The following SLC23A2 variants were observed in gnomAD, a reference collection of about 807,000 sequenced individuals.
SLC23A2 encodes the protein solute carrier family 23 member 2.
Under a neutral mutation model 73.3 loss-of-function variants are expected in SLC23A2, and 36 were observed. That is an observed-to-expected ratio of 0.49 (90% CI 0.38 to 0.65). The LOEUF is 0.65. SLC23A2 is among the 30% of genes least tolerant of loss of function. SLC23A2 has a pLI of 0.00. For missense variants in SLC23A2, 507 were observed against 841.6 expected, an observed-to-expected ratio of 0.60 and a Z score of 4.92; for synonymous variants, 343 against 327.3, an observed-to-expected ratio of 1.05 and a Z score of -0.52.
intron 1 of SLC23A2, among the ~76,000 whole-genome samples, chr20:4,974,158 AC>A (rs1473204315): frequency 1.3e-5 from 2 of 152,138 alleles, no homozygotes; most frequent in Non-Finnish European, 2.9e-5. Context: ...GGCTGACAAA[AC>A]ACTTCCTCCT....
At chr20:4,984,383 T>C (rs1568655948) in intron 1 of SLC23A2, among the ~76,000 whole-genome samples, 1 of 152,044 alleles carries the variant, frequency 6.6e-6, no homozygotes, top group East Asian at 1.9e-4. Flanking sequence ...TGAAACCCCA[T>C]CTCTACTAAA....
At chr20:4,955,125 T>C (rs776645037) in intron 2 of SLC23A2, among the ~76,000 whole-genome samples, 1 of 151,960 alleles carries the variant, frequency 6.6e-6, no homozygotes. Context: ...TGGTGGTGCA[T>C]GCCTGTGGTC....
upstream of SLC23A2, among the ~76,000 whole-genome samples, chr20:5,005,952 C>G (rs1047200925): frequency 2.0e-5 from 3 of 151,736 alleles, no homozygotes; most frequent in African/African-American, 7.3e-5. Flanking sequence ...CACCATTGTA[C>G]TCCAGCCTGG....
At chr20:4,866,941 C>T (rs1930223767) in intron 13 of SLC23A2, among the ~76,000 whole-genome samples, 1 of 151,356 alleles carries the variant, frequency 6.6e-6, no homozygotes, top group South Asian at 2.1e-4. Context: ...ATACCATGGC[C>T]AATGGTGGGT....
chr20:4,986,420 T>C (rs2087827681), intron 1 of SLC23A2, among the ~76,000 whole-genome samples: 1 of 152,102 alleles, frequency 6.6e-6, no homozygotes. Context: ...TTCAAGCAAT[T>C]CTCCTGCCTC....
chr20:4,997,097 C>A (rs1364417196), intron 1 of SLC23A2, among the ~76,000 whole-genome samples: 1 of 152,148 alleles, frequency 6.6e-6, no homozygotes, highest in Non-Finnish European at 1.5e-5. Context: ...CAAATCTCAA[C>A]CTCACCTTGA....
upstream of SLC23A2, among the ~76,000 whole-genome samples, chr20:5,005,245 T>G (rs1403783564): frequency 1.3e-5 from 2 of 152,160 alleles, no homozygotes; most frequent in South Asian, 2.1e-4. Flanking sequence ...ATTCAGTGCA[T>G]GAATATGTAG....
At position 4,951,004 on chromosome 20, in the gene SLC23A2, G is replaced by A. The variant is rs80140263; in HGVS notation, c.-154-18288C>T. On this transcript the variant is annotated intron_variant, in intron 2 of 16. Coordinates refer to ENST00000338244, the MANE Select transcript of SLC23A2 (RefSeq NM_005116.6). ...CAGGTGCTTCAACTGCTCAGGGCAGGAGACCCACCACCACAAGCGCCCAGA... is the reference window on the plus strand; with the variant it reads ...CAGGTGCTTCAACTGCTCAGGGCAGAAGACCCACCACCACAAGCGCCCAGA... Among the ~76,000 whole-genome samples, 78 of 152,202 alleles carry A rather than the reference G, an allele frequency of 5.1e-4. No homozygotes were observed. The East Asian group carries it at 0.015, about 29-fold the overall frequency.
rs1350647806 is a variant in SLC23A2 at position 4,857,281 on chromosome 20, CAT to C, written c.1721-79_1721-78del. The C allele has an allele frequency of 8.3e-4, 434 of 525,830 alleles. 1 individual carries two copies. The African/African-American group carries it at 8.9e-3, about 11-fold the overall frequency. 32.6% of individuals were successfully genotyped at this position (525,830 alleles called of 1,614,324 possible). ...CTGAAAATGAAACTGTCGTCAAACACATACACACACACACACACACACACACA... is the reference window on the plus strand; with the variant it reads ...CTGAAAATGAAACTGTCGTCAAACACACACACACACACACACACACACACA... On this transcript the variant is annotated intron_variant, in intron 16 of 16. Transcript: ENST00000338244. The surrounding 1 kb of genome is among the most constrained non-coding windows in gnomAD (Gnocchi z 4.0).
At chr20:4,884,381 T>C (rs559134392) in intron 8 of SLC23A2, among the ~76,000 whole-genome samples, 4 of 152,336 alleles carry the variant, frequency 2.6e-5, no homozygotes, top group Non-Finnish European at 1.5e-5. Context: ...CAAATATCTT[T>C]AGTTCTTTCA....
chr20:4,911,877 T>C (rs969584794), intron 4 of SLC23A2, among the ~76,000 whole-genome samples: 24 of 152,270 alleles, frequency 1.6e-4, no homozygotes, highest in African/African-American at 5.8e-4. Flanking sequence ...AGGGTCTTAC[T>C]CTGTCTTCCC....
In SLC23A2 at chr20:4,998,678, C is replaced by T. The variant is rs571943043; in HGVS notation, c.-282+2728G>A. Among the ~76,000 whole-genome samples the T allele has an allele frequency of 3.7e-4, 57 of 152,088 alleles. No homozygotes were observed. The highest frequency in any genetic ancestry group is 3.4e-3 in the Middle Eastern group (1 of 294). On this transcript the variant is annotated intron_variant, in intron 1 of 16. Transcript: ENST00000338244. The surrounding 1 kb of genome is among the most constrained non-coding windows in gnomAD (Gnocchi z 4.1). Reference sequence around the variant, plus strand: ...GAGTTTTATGGGCAAGGCCAGGAAACGGTTCAGGAAGGACTGTAAGATGTT... The same window carrying T: ...GAGTTTTATGGGCAAGGCCAGGAAATGGTTCAGGAAGGACTGTAAGATGTT...
upstream of SLC23A2, among the ~76,000 whole-genome samples, chr20:5,004,662 T>A (rs1266879718): frequency 3.3e-5 from 5 of 151,890 alleles, no homozygotes; most frequent in Non-Finnish European, 2.9e-5. Flanking sequence ...CTAGGCAACA[T>A]GGGGAGACCC....
chr20:4,993,707 T>C (rs1337930563), intron 1 of SLC23A2, among the ~76,000 whole-genome samples: 2 of 152,056 alleles, frequency 1.3e-5, no homozygotes, highest in African/African-American at 4.8e-5. Context: ...ATGCATACAT[T>C]CCCCCATATC....
intron 3 of SLC23A2, among the ~76,000 whole-genome samples, chr20:4,929,287 GA>G (rs537709465): frequency 8.2e-5 from 12 of 146,372 alleles, no homozygotes; most frequent in South Asian, 6.5e-4. Context: ...AAAAGAAAAA[GA>G]AAAAAAAAAC....
At chr20:4,864,570 T>C (rs868528166) in intron 13 of SLC23A2, among the ~76,000 whole-genome samples, 11 of 152,356 alleles carry the variant, frequency 7.2e-5, no homozygotes, top group Middle Eastern at 3.4e-3. Context: ...CATTTACTAA[T>C]GGCCCTATCT....
chr20:4,960,462 T>C (rs143399748), intron 2 of SLC23A2, among the ~76,000 whole-genome samples: 1 of 152,206 alleles, frequency 6.6e-6, no homozygotes, highest in South Asian at 2.1e-4. Context: ...CATTATGCTA[T>C]GTCAAGAGGA....
chr20:4,962,253 C>CA (rs11407993), intron 2 of SLC23A2, among the ~76,000 whole-genome samples: 60,958 of 151,686 alleles, frequency 0.4, 12,554 homozygotes, highest in Admixed American at 0.48. Flanking sequence ...ACCCCCGCCC[C>CA]AAAAAAACAG....
chr20:4,993,410 GAA>G (rs3055956), intron 1 of SLC23A2, among the ~76,000 whole-genome samples: 59 of 121,520 alleles, frequency 4.9e-4, no homozygotes, highest in Admixed American at 8.0e-4. Flanking sequence ...GCCAAAATCC[GAA>G]AAAAAAAAAA....
Sources: allele counts gnomAD v4.1 joint callset (sites outside exome capture counted in the v4.1 genomes callset), GRCh38; gene constraint gnomAD v4.1.1; non-coding constraint Gnocchi (gnomAD v3.1); transcripts MANE v1.5; gene names NCBI Gene and HGNC (gene_info 2026-07-23, HGNC 2026-07-21).